ZBTB7C: variants seen among roughly 807,000 people sequenced by gnomAD.
The protein encoded by ZBTB7C is zinc finger and BTB domain containing 7C, also known as zinc finger and BTB domain-containing protein 7C.
Under a neutral mutation model 25.7 loss-of-function variants are expected in ZBTB7C, and 8 were observed. That is an observed-to-expected ratio of 0.31 (90% CI 0.18 to 0.56). The LOEUF (loss-of-function observed/expected upper bound fraction) is 0.56. Ranked by LOEUF, ZBTB7C falls within the 20% of genes least tolerant of loss-of-function variation. The probability of loss-of-function intolerance (pLI) is 0.91; values close to 1 mark genes in which losing one functional copy is unlikely to be tolerated. For missense variants in ZBTB7C, 824 were observed against 855.2 expected (o/e 0.96, Z 0.46); for synonymous variants, 394 against 369.0 (o/e 1.07, Z -0.78).
At chr18:48,376,057 G>A (rs567740575) in intron 1 of ZBTB7C, among the ~76,000 whole-genome samples, 151 of 152,342 alleles carry the variant, frequency 9.9e-4, no homozygotes, top group African/African-American at 3.5e-3. Context: ...GCAGTTCTGG[G>A]GTGGGACTGG....
intron 1 of ZBTB7C, among the ~76,000 whole-genome samples, chr18:48,365,244 G>A (rs2047195980): frequency 6.6e-6 from 1 of 152,234 alleles, no homozygotes; most frequent in Non-Finnish European, 1.5e-5. Flanking sequence ...TTTCACTCAT[G>A]TGGAAGTACA....
chr18:48,188,862 A>C (rs2042126548), intron 2 of ZBTB7C, among the ~76,000 whole-genome samples: 1 of 152,016 alleles, frequency 6.6e-6, no homozygotes, highest in Non-Finnish European at 1.5e-5. Context: ...TACTCTTTCT[A>C]CTGGGTCCAC....
chr18:48,222,329 T>A (rs1202324832), intron 2 of ZBTB7C, among the ~76,000 whole-genome samples: 2 of 152,310 alleles, frequency 1.3e-5, no homozygotes, highest in Non-Finnish European at 2.9e-5. Flanking sequence ...ACCAGCTGCA[T>A]CCTGCATGAT....
intron 2 of ZBTB7C, among the ~76,000 whole-genome samples, chr18:48,233,009 G>C (rs1383534768): frequency 2.0e-5 from 3 of 152,200 alleles, no homozygotes; most frequent in African/African-American, 7.2e-5. Context: ...GTTTTGAGGT[G>C]GCAGGGAGTA....
At chr18:48,291,304 T>C (rs1008258859) in intron 2 of ZBTB7C, among the ~76,000 whole-genome samples, 21 of 152,264 alleles carry the variant, frequency 1.4e-4, no homozygotes, top group African/African-American at 4.3e-4. Flanking sequence ...GGGGGGATGT[T>C]TGAGAACTAC....
intron 3 of ZBTB7C, among the ~76,000 whole-genome samples, chr18:48,123,646 G>T (rs891697192): frequency 2.7e-5 from 4 of 149,992 alleles, no homozygotes; most frequent in Non-Finnish European, 5.9e-5. Flanking sequence ...CTTCCTGGTC[G>T]GCTGCCCAGA....
intron 3 of ZBTB7C, among the ~76,000 whole-genome samples, chr18:48,051,988 A>G (rs1568178543): frequency 6.6e-6 from 1 of 152,236 alleles, no homozygotes; most frequent in Non-Finnish European, 1.5e-5. Flanking sequence ...TGTTCAAAAT[A>G]AAGGATTTAC....
chr18:48,239,030 G>C (rs2043454010), intron 2 of ZBTB7C, among the ~76,000 whole-genome samples: 1 of 152,106 alleles, frequency 6.6e-6, no homozygotes, highest in Admixed American at 6.5e-5. Flanking sequence ...TTTCCTCCTG[G>C]TGACTTCCCT....
At chr18:48,405,922 C>T (rs577345382) in intron 1 of ZBTB7C, among the ~76,000 whole-genome samples, 13 of 151,314 alleles carry the variant, frequency 8.6e-5, no homozygotes, top group African/African-American at 2.9e-4. Flanking sequence ...GGGTTCACTC[C>T]GGTACCCTCC....
chr18:48,040,166 G>A lies in ZBTB7C; in HGVS notation c.942C>T (p.Phe314=). The change falls in exon 4 of 5, where the codon TTC becomes TTT. Residue 314 remains phenylalanine (F), a synonymous_variant. Transcript: ENST00000590800. ...CCAGAGGCCCCCCCGGCAGGTCAGG[G>A]AACATGTCCTTGAAGAAGTCATTAG... is the stretch of plus-strand genomic sequence containing the variant. The part of the protein sequence containing the change: ...PFPNDFFKDM[F]PDLPGGPLGP... 1 of 1,578,188 alleles carries A rather than the reference G, an allele frequency of 6.3e-7. No homozygotes were observed. The highest frequency in any genetic ancestry group is 1.8e-5 in the Admixed American group (1 of 55,826).
intron 3 of ZBTB7C, among the ~76,000 whole-genome samples, chr18:48,092,756 T>C (rs1209542255): frequency 1.3e-5 from 2 of 152,196 alleles, no homozygotes; most frequent in Admixed American, 6.5e-5. Context: ...GGTGGAGAAG[T>C]GTACATTTCT....
intron 2 of ZBTB7C, among the ~76,000 whole-genome samples, chr18:48,245,784 A>T (rs547686558): frequency 6.6e-6 from 1 of 152,340 alleles, no homozygotes; most frequent in South Asian, 2.1e-4. Context: ...TCAGACAAAA[A>T]TGGTCAAAGT....
chr18:48,091,013 A>G (rs928387219), intron 3 of ZBTB7C, among the ~76,000 whole-genome samples: 2 of 152,164 alleles, frequency 1.3e-5, no homozygotes, highest in Non-Finnish European at 2.9e-5. Flanking sequence ...GGAAAAGAAA[A>G]AAAAGGGAAA....
intron 2 of ZBTB7C, among the ~76,000 whole-genome samples, chr18:48,286,987 G>A (rs1237482074): frequency 6.6e-6 from 1 of 151,980 alleles, no homozygotes; most frequent in Non-Finnish European, 1.5e-5. Context: ...GAAGGCAAAG[G>A]TTGCAGGAAA....
intron 3 of ZBTB7C, among the ~76,000 whole-genome samples, chr18:48,046,745 G>A (rs995316011): frequency 6.6e-6 from 1 of 151,962 alleles, no homozygotes; most frequent in Admixed American, 6.5e-5. Context: ...TGCTTTGAGA[G>A]CAATGTCTAC....
chr18:48,348,389 T>G (rs59596908), intron 1 of ZBTB7C, among the ~76,000 whole-genome samples: 9,531 of 152,268 alleles, frequency 0.063, 340 homozygotes, highest in Non-Finnish European at 0.074. Context: ...TGGATACAAA[T>G]CCTCACCTAC....
intron 3 of ZBTB7C, among the ~76,000 whole-genome samples, chr18:48,102,375 G>T (rs1950646577): frequency 6.6e-6 from 1 of 152,050 alleles, no homozygotes; most frequent in African/African-American, 2.4e-5. Flanking sequence ...ACCAGCCTGG[G>T]CAACATAGCT....
At chr18:48,231,083 C>G (rs1341608164) in intron 2 of ZBTB7C, among the ~76,000 whole-genome samples, 2 of 152,108 alleles carry the variant, frequency 1.3e-5, no homozygotes, top group Non-Finnish European at 2.9e-5. Context: ...TTGCAGGCAC[C>G]TTTGGCACTA....
intron 3 of ZBTB7C, among the ~76,000 whole-genome samples, chr18:48,075,013 C>T (rs2037706370): frequency 6.6e-6 from 1 of 152,144 alleles, no homozygotes; most frequent in African/African-American, 2.4e-5. Flanking sequence ...TCTTTGCCAG[C>T]ATCAAAATAG....
Sources: allele counts gnomAD v4.1 joint callset (sites outside exome capture counted in the v4.1 genomes callset), GRCh38; gene constraint gnomAD v4.1.1; transcripts MANE v1.5; gene names NCBI Gene and HGNC (gene_info 2026-07-23, HGNC 2026-07-21).